Variants in POTEB2 observed in about 807,000 individuals in gnomAD.
POTEB2 encodes the protein POTE ankyrin domain family, member B2.
In POTEB2, 1 loss-of-function variant was observed where a neutral mutation model predicts 1.8. The ratio of observed to expected loss-of-function variants is 0.55; its 90% CI spans 0.20 to 2.62. The LOEUF is 2.62. Ranked by LOEUF, POTEB2 falls within the 30% of genes most tolerant of loss-of-function variation. The pLI is 0.24.
In POTEB2 at chr15:20,839,110, A is replaced by G. The variant is rs1355129187; in HGVS notation, c.1299-1743T>C. ...ATCTCTATCTCTCACCATGTAAAAA[A>G]TTAATTCAAGATGGATTAATGGCCT... On this transcript the variant is annotated intron_variant, in intron 9 of 10. Coordinates refer to ENST00000454856, the MANE Select transcript of POTEB2 (RefSeq NM_001277303.1). Among the ~76,000 whole-genome samples the G allele has an allele frequency of 1.9e-4, 10 of 51,466 alleles. No homozygotes were observed. The South Asian group carries it at 3.6e-3, about 18-fold the overall frequency. The allele number at this position is 51,466 out of a possible 152,430, so 33.8% of individuals were successfully genotyped here.
At position 20,860,357 on chromosome 15, in the gene POTEB2, C is replaced by G. The variant is rs1212161343; in HGVS notation, c.699+685G>C. 4.7e-4 allele frequency among the ~76,000 whole-genome samples: 13 copies of G among 27,570 alleles called. 4 individuals are homozygous for G. The highest frequency in any genetic ancestry group is 2.3e-3 in the African/African-American group (10 of 4,324). 18.1% of individuals were successfully genotyped at this position (27,570 alleles called of 152,430 possible). A position where few individuals can be genotyped will look rare whatever the true frequency, so the allele number is the denominator to read the frequency against. Reference sequence around the variant, plus strand: ...GTCATTCTCTAAAATGGAAAAGAACCCTGTCTCACCATATAAAGGAAACAA... The same window carrying G: ...GTCATTCTCTAAAATGGAAAAGAACGCTGTCTCACCATATAAAGGAAACAA... On this transcript the variant is annotated intron_variant, in intron 3 of 10. Transcript: ENST00000454856.
chr15:20,860,869 C>T (rs1889679592), intron 3 of POTEB2, among the ~76,000 whole-genome samples, 173 bp downstream of exon 3: 1 of 25,234 alleles, frequency 4.0e-5, no homozygotes, highest in Non-Finnish European at 5.8e-5. Flanking sequence ...CCCTCTAATG[C>T]TTCTTTAAAA....
intron 3 of POTEB2, among the ~76,000 whole-genome samples, chr15:20,860,438 C>CAAAAAA (rs1446354770): frequency 4.8e-5 from 2 of 41,696 alleles, no homozygotes; most frequent in African/African-American, 2.9e-4. Context: ...CACACACACA[C>CAAAAAA]AAACAAAAAC....
At position 20,839,212 on chromosome 15, in the gene POTEB2, AAAAT is replaced by A. The variant is rs369986769; in HGVS notation, c.1299-1849_1299-1846del. Among the ~76,000 whole-genome samples the A allele has an allele frequency of 3.8e-3, 429 of 113,246 alleles. 1 individual carries two copies. The highest frequency in any genetic ancestry group is 0.015 in the African/African-American group (371 of 24,444). 74.3% of individuals were successfully genotyped at this position (113,246 alleles called of 152,430 possible). ...CCTGAAAGCAAAAGCAACAAAAATA[AAAAT>A]AAATAAATAAATAAATAAATAAATA... On this transcript the variant is annotated intron_variant, in intron 9 of 10. Transcript: ENST00000454856.
chr15:20,839,254 A>T (rs1446043274), intron 9 of POTEB2, among the ~76,000 whole-genome samples: 1 of 117,766 alleles, frequency 8.5e-6, no homozygotes, highest in Non-Finnish European at 1.7e-5. Context: ...GACCTAATTA[A>T]ACTAAAAAGC....
chr15:20,860,456 AAAAC>A (rs879652587), intron 3 of POTEB2, among the ~76,000 whole-genome samples: 7 of 42,832 alleles, frequency 1.6e-4, no homozygotes, highest in Admixed American at 2.5e-4. Flanking sequence ...AACAAAAACA[AAAAC>A]AAAAAAAAAC....
chr15:20,839,882 A>AAAGAAAAT (rs1595298499), intron 9 of POTEB2, among the ~76,000 whole-genome samples: 1 of 1,288 alleles, frequency 7.8e-4, no homozygotes, highest in East Asian at 0.25. Flanking sequence ...ATATATATAT[A>AAAGAAAAT]TATATATATA....
intron 10 of POTEB2, among the ~76,000 whole-genome samples, chr15:20,836,706 T>C (rs1197993495): frequency 0.021 from 10 of 480 alleles, 1 homozygote; most frequent in East Asian, 0.17. Flanking sequence ...AACAAAATAC[T>C]TATCAATAAA....
Position 20,846,720 on chromosome 15 carries a change from ATCT to A in POTEB2, c.1131+322_1131+324del, listed in dbSNP as rs1158402707. The stretch of plus-strand genomic sequence containing the variant: ...TGGAAATTACAAAGAATAAGTAATT[ATCT>A]TCTTTAGCCACATTATCTAGTGATA... On this transcript the variant is annotated intron_variant, in intron 8 of 10. Transcript: ENST00000454856. 6.2e-5 allele frequency among the ~76,000 whole-genome samples: 2 copies of A among 32,304 alleles called. 1 individual carries two copies. Among genetic ancestry groups the A allele is most frequent in the Non-Finnish European group, 9.3e-5 (2 of 21,472 alleles). 21.2% of individuals were successfully genotyped at this position (32,304 alleles called of 152,430 possible). A position where few individuals can be genotyped will look rare whatever the true frequency, so the allele number is the denominator to read the frequency against.
chr15:20,839,244 GA>G (rs1389677589), intron 9 of POTEB2, among the ~76,000 whole-genome samples: 3 of 118,382 alleles, frequency 2.5e-5, no homozygotes, highest in African/African-American at 7.3e-5. Context: ...AATAAATAAA[GA>G]CCTAATTAAA....
At position 20,863,175 on chromosome 15, in the gene POTEB2, G is replaced by A. The variant is rs1360974091; in HGVS notation, c.411-1686C>T. ...AGAATATGCTTGCCATATAATAGGT[G>A]TCTGGCTTATGTTTGATGACTAAAC... On this transcript the variant is annotated intron_variant, in intron 1 of 10. Coordinates refer to ENST00000454856, the MANE Select transcript of POTEB2 (RefSeq NM_001277303.1). Among the ~76,000 whole-genome samples the A allele has an allele frequency of 1.5e-4, 6 of 39,172 alleles. 3 individuals are homozygous for A. The highest frequency in any genetic ancestry group is 1.5e-4 in the Non-Finnish European group (4 of 25,884). The allele number at this position is 39,172 out of a possible 152,430, so 25.7% of individuals were successfully genotyped here.
chr15:20,839,316 T>C (rs1889411108), intron 9 of POTEB2, among the ~76,000 whole-genome samples: 1 of 89,224 alleles, frequency 1.1e-5, no homozygotes, highest in Non-Finnish European at 2.1e-5. Context: ...ACTTATACAA[T>C]GGGGAAAATA....
intron 9 of POTEB2, among the ~76,000 whole-genome samples, chr15:20,839,308 T>C (rs867177148): frequency 0.083 from 7,205 of 86,318 alleles, 103 homozygotes; most frequent in East Asian, 0.16. Flanking sequence ...AGCCAACCAC[T>C]TATACAATGG....
rs749566271 is a variant in POTEB2, at chr15:20,839,868, TTATATATATATATATATATATATATATA to T, written c.1299-2529_1299-2502del. On this transcript the variant is annotated intron_variant, in intron 9 of 10. Transcript: ENST00000454856. Reference sequence around the variant, plus strand: ...CAACTGATGAGTGGAATAAAGAAAATTATATATATATATATATATATATATATATATATATATATATATATATATATAT... The same window carrying T: ...CAACTGATGAGTGGAATAAAGAAAATTATATATATATATATATATATATAT... Among the ~76,000 whole-genome samples the T allele has an allele frequency of 3.6e-4, 4 of 10,968 alleles. 1 individual carries two copies. The highest frequency in any genetic ancestry group is 7.6e-3 in the South Asian group (2 of 262). 7.2% of individuals were successfully genotyped at this position (10,968 alleles called of 152,430 possible).
chr15:20,839,263 G>A (rs1325029956), intron 9 of POTEB2, among the ~76,000 whole-genome samples: 1 of 115,104 alleles, frequency 8.7e-6, no homozygotes, highest in Non-Finnish European at 1.7e-5. Context: ...AAACTAAAAA[G>A]CTTCAGCACA....
rs539512380 is a variant in POTEB2 at position 20,839,944 on chromosome 15, C to T, written c.1299-2577G>A. On this transcript the variant is annotated intron_variant, in intron 9 of 10. Transcript: ENST00000454856. ...TATATGTATGTATGTATACCTGAGACTGGGTAATTCATAAAGGAAAGAGGC... is the reference window on the plus strand; with the variant it reads ...TATATGTATGTATGTATACCTGAGATTGGGTAATTCATAAAGGAAAGAGGC... Among the ~76,000 whole-genome samples the T allele has an allele frequency of 7.9e-5, 8 of 101,414 alleles. No homozygotes were observed. In the East Asian group the frequency reaches 1.6e-3, roughly 20 times the overall value. The allele number at this position is 101,414 out of a possible 152,430, so 66.5% of individuals were successfully genotyped here.
rs1355154057 is a variant in POTEB2 at position 20,846,658 on chromosome 15, C to T, written c.1131+387G>A. Among the ~76,000 whole-genome samples, 2 of 39,920 alleles carry T rather than the reference C, an allele frequency of 5.0e-5. 1 individual carries two copies. Among genetic ancestry groups the T allele is most frequent in the Non-Finnish European group, 7.8e-5 (2 of 25,492 alleles). 26.2% of individuals were successfully genotyped at this position (39,920 alleles called of 152,430 possible). ...GGAATTCCAGGAAATTAGATGTTCC[C>T]CAAATTTCACATTCAATAGCTATAC... On this transcript the variant is annotated intron_variant, in intron 8 of 10. Transcript: ENST00000454856.
At chr15:20,836,296 G>A (rs751284630) in intron 10 of POTEB2, among the ~76,000 whole-genome samples, 790 of 38,750 alleles carry the variant, frequency 0.02, 12 homozygotes, top group African/African-American at 0.081. Context: ...CAGGAGAATC[G>A]TGTGAACCTG....
rs1468279987 is a variant in POTEB2 at position 20,861,026 on chromosome 15, ATTGGTAGATCTATACC to A, written c.699_699+15del. On this transcript the variant is annotated splice_donor_variant and splice_donor_5th_base_variant and coding_sequence_variant and intron_variant, in exon 3 of 11. Coordinates refer to ENST00000454856, the MANE Select transcript of POTEB2 (RefSeq NM_001277303.1). LOFTEE classifies it high-confidence loss of function. ...TGCATTTCAGTATTTTGAAGATAAA[ATTGGTAGATCTATACC>A]TTGTTTTTTGATTCAATATCAGCAC... The A allele has an allele frequency of 3.9e-4, 1 of 2,576 alleles. No individual in the cohort carries two copies. Among genetic ancestry groups the A allele is most frequent in the Non-Finnish European group, 5.1e-4 (1 of 1,950 alleles). 0.2% of individuals were successfully genotyped at this position (2,576 alleles called of 1,614,324 possible). A position where few individuals can be genotyped will look rare whatever the true frequency, so the allele number is the denominator to read the frequency against.
Sources: gnomAD v4.1 joint callset for allele counts (sites outside exome capture counted in the v4.1 genomes callset) on GRCh38, gnomAD v4.1.1 for gene constraint, MANE v1.5 for transcripts, NCBI Gene and HGNC (gene_info 2026-07-23, HGNC 2026-07-21) for gene names.